The following SYT16 variants were observed in gnomAD, a reference collection of about 807,000 sequenced individuals.
SYT16 encodes the protein synaptotagmin-16.
In SYT16, 42 loss-of-function variants were observed where a neutral mutation model predicts 61.4. That is an observed-to-expected ratio of 0.68 (90% CI 0.53 to 0.89). The LOEUF (loss-of-function observed/expected upper bound fraction) is 0.89, where lower values mean the gene tolerates loss of function less well. Among genes scored for constraint, SYT16 ranks in the 40% least tolerant of loss-of-function variants. SYT16 has a pLI of 0.00. For missense variants in SYT16, 804 were observed against 807.3 expected (o/e 1.00, Z 0.05); for synonymous variants, 314 against 302.3 (o/e 1.04, Z -0.40).
intron 1 of SYT16, among the ~76,000 whole-genome samples, chr14:61,813,112 C>G (rs1288827247): frequency 1.3e-5 from 2 of 152,264 alleles, no homozygotes; most frequent in Non-Finnish European, 2.9e-5. Context: ...AGGCCCAGAG[C>G]CAGCCTTCAG....
intron 1 of SYT16, among the ~76,000 whole-genome samples, chr14:61,889,178 A>T (rs911785747): frequency 6.6e-6 from 1 of 152,190 alleles, no homozygotes; most frequent in Non-Finnish European, 1.5e-5. Flanking sequence ...CAACAAGGAC[A>T]AGTGGGGGTT....
In SYT16 at chr14:61,945,180, G is replaced by A. The variant is rs142668312; in HGVS notation, c.-324-24952G>A. The stretch of plus-strand genomic sequence containing the variant: ...TTGAGAAATGCAAATCAAAACCACG[G>A]TGAGATACTATCTCATGCCAGTTAG... On this transcript the variant is annotated intron_variant, in intron 1 of 7. Coordinates refer to ENST00000683842, the MANE Select transcript of SYT16 (RefSeq NM_001367656.1). Among the ~76,000 whole-genome samples the A allele has an allele frequency of 1.6e-3, 245 of 152,264 alleles. 1 individual carries two copies. Among genetic ancestry groups the A allele is most frequent in the African/African-American group, 5.5e-3 (230 of 41,548 alleles).
At position 62,107,903 on chromosome 14, in the gene SYT16, A is replaced by G. The variant is rs572334293; in HGVS notation, c.*7196A>G. 6.6e-6 allele frequency: 1 copy of G among 152,318 alleles called. No homozygotes were observed. Among genetic ancestry groups the G allele is most frequent in the Admixed American group, 6.5e-5 (1 of 15,298 alleles). 9.4% of individuals were successfully genotyped at this position (152,318 alleles called of 1,614,324 possible). ...TGCCCTTTGCAAGACAGTAAGTTAG[A>G]TCCTGGAATGCTAGGTCTGTACAAA... On this transcript the variant is annotated 3_prime_UTR_variant, in exon 8 of 8. Coordinates refer to ENST00000683842, the MANE Select transcript of SYT16 (RefSeq NM_001367656.1).
chr14:62,084,190 C>T lies in SYT16; in HGVS notation c.1435-6C>T, dbSNP rs1481758848. ...CAATGGATTCTTTGTTGTTCTTCCC[C>T]TCCAGAGTGGAGGGTCTCCGCTCAG... On this transcript the variant is annotated splice_polypyrimidine_tract_variant and splice_region_variant and intron_variant, in intron 6 of 7. Transcript: ENST00000683842. 1 of 1,612,206 alleles carries T rather than the reference C, an allele frequency of 6.2e-7. No individual in the cohort carries two copies. The highest frequency in any genetic ancestry group is 1.1e-5 in the South Asian group (1 of 90,844).
chr14:61,900,195 G>T (rs964202617), intron 1 of SYT16, among the ~76,000 whole-genome samples: 1 of 133,250 alleles, frequency 7.5e-6, no homozygotes, highest in South Asian at 2.4e-4. Context: ...GTCTCACTCT[G>T]TTGTCCAGGC....
At chr14:61,896,968 G>A (rs1043230324) in intron 1 of SYT16, among the ~76,000 whole-genome samples, 1 of 152,136 alleles carries the variant, frequency 6.6e-6, no homozygotes, top group Non-Finnish European at 1.5e-5. Context: ...CTAAGACAGA[G>A]GTCAACAAAC....
At chr14:61,940,652 G>A (rs2050172080) in intron 1 of SYT16, among the ~76,000 whole-genome samples, 1 of 152,176 alleles carries the variant, frequency 6.6e-6, no homozygotes, top group South Asian at 2.1e-4. Context: ...CATAGTAAAT[G>A]CCATGTAAGT....
At chr14:61,917,077 C>T (rs1201524832) in intron 1 of SYT16, among the ~76,000 whole-genome samples, 2 of 152,098 alleles carry the variant, frequency 1.3e-5, no homozygotes, top group African/African-American at 4.8e-5. Flanking sequence ...CTTCAACATA[C>T]TGATTTGCTT....
At chr14:62,043,460 T>G (rs758495474) in intron 3 of SYT16, among the ~76,000 whole-genome samples, 57 of 146,852 alleles carry the variant, frequency 3.9e-4, no homozygotes, top group African/African-American at 1.2e-3. Flanking sequence ...CAGGCTGGAG[T>G]GCAGTGGTGT....
chr14:62,013,732 G>A (rs976032328), intron 3 of SYT16, among the ~76,000 whole-genome samples: 1 of 152,132 alleles, frequency 6.6e-6, no homozygotes, highest in Non-Finnish European at 1.5e-5. Context: ...TTGGGAGACC[G>A]AGGCAGGCAG....
chr14:61,832,133 G>A (rs2045957143), intron 1 of SYT16: 3 of 716,318 alleles, frequency 4.2e-6, no homozygotes, highest in Middle Eastern at 2.5e-4. Flanking sequence ...GATACAACTC[G>A]ACTTTCCCAT....
At chr14:61,964,104 C>T (rs1001246543) in intron 1 of SYT16, among the ~76,000 whole-genome samples, 9 of 152,178 alleles carry the variant, frequency 5.9e-5, no homozygotes, top group African/African-American at 1.9e-4. Context: ...ATGTTGTTTA[C>T]ATTCCTGCTA....
intron 7 of SYT16, among the ~76,000 whole-genome samples, chr14:62,087,987 G>T (rs1373359978): frequency 6.6e-6 from 1 of 152,190 alleles, no homozygotes; most frequent in Non-Finnish European, 1.5e-5. Flanking sequence ...CCAAGTATTG[G>T]TGAGGATGTG....
intron 3 of SYT16, among the ~76,000 whole-genome samples, chr14:62,028,681 A>G (rs1261256714): frequency 6.6e-6 from 1 of 152,198 alleles, no homozygotes; most frequent in African/African-American, 2.4e-5. Flanking sequence ...CTGAATGGGA[A>G]AAGACATTAA....
At chr14:61,915,320 A>G (rs879803259) in intron 1 of SYT16, among the ~76,000 whole-genome samples, 5 of 152,094 alleles carry the variant, frequency 3.3e-5, no homozygotes, top group Non-Finnish European at 7.4e-5. Flanking sequence ...ATTTTTTTTA[A>G]AACAGCACAC....
At chr14:61,863,327 A>T (rs1311050321) in intron 1 of SYT16, among the ~76,000 whole-genome samples, 1 of 152,114 alleles carries the variant, frequency 6.6e-6, no homozygotes, top group Non-Finnish European at 1.5e-5. Context: ...TATACATGGT[A>T]TCTCATTGTT....
rs1316079931 is a variant in SYT16, at chr14:62,081,055, C to T, written c.1215C>T (p.Asn405=). The change falls in exon 6 of 8, where the codon AAC becomes AAT. Residue 405 remains asparagine, a synonymous_variant. Coordinates refer to ENST00000683842, the MANE Select transcript of SYT16 (RefSeq NM_001367656.1). ...LPGKKHRGRT[N]IQRGPNPVFR... ...GTAAGAAACACAGGGGCAGGACGAA[C>T]ATACAGAGAGGGCCCAACCCCGTCT... is the stretch of plus-strand genomic sequence containing the variant. 20 of 1,613,662 alleles carry T rather than the reference C, an allele frequency of 1.2e-5. No individual in the cohort carries two copies. Among genetic ancestry groups the T allele is most frequent in the South Asian group, 4.4e-5 (4 of 90,976 alleles).
chr14:61,988,656 A>G (rs2052420773), intron 2 of SYT16, among the ~76,000 whole-genome samples: 3 of 152,196 alleles, frequency 2.0e-5, no homozygotes, highest in Admixed American at 1.3e-4. Flanking sequence ...CTTAAGCAGA[A>G]GTTTATAATT....
intron 1 of SYT16, among the ~76,000 whole-genome samples, chr14:61,906,907 C>T (rs1417625819): frequency 6.6e-6 from 1 of 152,186 alleles, no homozygotes; most frequent in Non-Finnish European, 1.5e-5. Context: ...ATGAGACACA[C>T]AGCACTTTGT....
Sources: allele counts gnomAD v4.1 joint callset (sites outside exome capture counted in the v4.1 genomes callset), GRCh38; gene constraint gnomAD v4.1.1; transcripts MANE v1.5; gene names NCBI Gene and HGNC (gene_info 2026-07-23, HGNC 2026-07-21).